Variants in HELZ observed in about 807,000 individuals in gnomAD.
HELZ encodes helicase with zinc finger.
A neutral mutation model predicts 218.2 loss-of-function variants in HELZ; 23 were observed. That is an observed-to-expected ratio of 0.11 (90% CI 0.08 to 0.15). The LOEUF is 0.15. Ranked by LOEUF, HELZ falls within the 10% of genes least tolerant of loss-of-function variation. The probability of loss-of-function intolerance (pLI) is 1.00; values close to 1 mark genes in which losing one functional copy is unlikely to be tolerated. For missense variants in HELZ, 1,813 were observed against 2,353.7 expected (o/e 0.77, Z 4.75); for synonymous variants, 814 against 829.4 (o/e 0.98, Z 0.32).
chr17:67,167,852 C>G (rs903768915), intron 13 of HELZ, 56 bp from the exon 14 acceptor site: 2 of 1,176,312 alleles, frequency 1.7e-6, no homozygotes, highest in Non-Finnish European at 2.4e-6. Flanking sequence ...TATATAAAAA[C>G]TAGAAGAGTG....
At chr17:67,086,766 A>C in intron 32 of HELZ, 63 bp downstream of exon 32, 4 of 1,569,248 alleles carry the variant, frequency 2.5e-6, no homozygotes, top group Non-Finnish European at 2.6e-6. Flanking sequence ...ATAGAAGAAA[A>C]ACTCCACAGA....
chr17:67,109,078 ATC>A lies in HELZ; in HGVS notation c.4489+36_4489+37del, dbSNP rs748850253. ...TATACAGTCCAAGTCATGTTAAGTA[ATC>A]TCTGAATTTTCACATCTGGCAGTAA... On this transcript the variant is annotated intron_variant, in intron 29 of 32. Transcript: ENST00000358691. The A allele has an allele frequency of 3.4e-6, 5 of 1,457,406 alleles. No homozygotes were observed. The South Asian group carries it at 6.4e-5, about 19-fold the overall frequency. The allele number at this position is 1,457,406 out of a possible 1,614,324, so 90.3% of individuals were successfully genotyped here.
rs2037215051 is a variant in HELZ, at chr17:67,109,546, A to G, written c.4059T>C (p.Tyr1353=). The change falls in exon 29 of 33, where the codon TAT becomes TAC. Residue 1353 remains tyrosine (Y), a synonymous_variant. Transcript: ENST00000358691. ...GATGAAAGTGGCGATTAGGGATTGCATACTGTGCGTGGGGAGCAGGAAGGG... is the reference window on the plus strand; with the variant it reads ...GATGAAAGTGGCGATTAGGGATTGCGTACTGTGCGTGGGGAGCAGGAAGGG... ...NLPLPAPHAQ[Y]AIPNRHFHPL... The G allele has an allele frequency of 1.2e-6, 2 of 1,614,180 alleles. No homozygotes were observed. The highest frequency in any genetic ancestry group is 1.7e-6 in the Non-Finnish European group (2 of 1,180,046).
chr17:67,133,629 C>T (rs2038055861), intron 23 of HELZ, among the ~76,000 whole-genome samples: 1 of 152,166 alleles, frequency 6.6e-6, no homozygotes, highest in Admixed American at 6.5e-5. Flanking sequence ...ATCCTCCCAC[C>T]TCAGCCTCCT....
intron 6 of HELZ, 88 bp downstream of exon 6, chr17:67,203,231 A>C: frequency 7.3e-7 from 1 of 1,376,910 alleles, no homozygotes; most frequent in Non-Finnish European, 1.0e-6. Context: ...AAAGAAAAAA[A>C]GATACACTTT....
At chr17:67,110,699 T>C (rs2143764072) in intron 28 of HELZ, among the ~76,000 whole-genome samples, 1 of 152,260 alleles carries the variant, frequency 6.6e-6, no homozygotes, top group South Asian at 2.1e-4. Context: ...TAAATAAGGT[T>C]TTCTTGGAAC....
intron 22 of HELZ, 97 bp from the exon 23 acceptor site, chr17:67,136,295 A>G (rs2038147606): frequency 2.5e-6 from 2 of 808,046 alleles, no homozygotes; most frequent in African/African-American, 3.5e-5. Context: ...ATTGCTAAAT[A>G]ACAAACATTG....
At chr17:67,086,631 A>AATATAAATATAAATATAAATAT (rs914625902) in intron 32 of HELZ, among the ~76,000 whole-genome samples, 198 bp downstream of exon 32, 20 of 93,290 alleles carry the variant, frequency 2.1e-4, no homozygotes, top group African/African-American at 8.7e-4. Flanking sequence ...TATAAATATA[A>AATATAAATATAAATATAAATAT]ATATATATAT....
intron 31 of HELZ, among the ~76,000 whole-genome samples, chr17:67,098,751 A>G (rs997507021): frequency 1.3e-5 from 2 of 152,304 alleles, no homozygotes; most frequent in Middle Eastern, 3.4e-3. Flanking sequence ...CTCAAAAAGT[A>G]AAAATAAAAA....
At chr17:67,244,676 G>A (rs1014328430) in intron 1 of HELZ, 2 of 981,274 alleles carry the variant, frequency 2.0e-6, no homozygotes, top group East Asian at 1.1e-4. Flanking sequence ...CCACGCCCCC[G>A]CTCCAGCCCC....
At chr17:67,211,377 ATTTTT>A (rs2040446205) in intron 5 of HELZ, among the ~76,000 whole-genome samples, 1 of 152,126 alleles carries the variant, frequency 6.6e-6, no homozygotes, top group Admixed American at 6.6e-5. Context: ...TCTTGATCTT[ATTTTT>A]TAGAGAGGCA....
At chr17:67,113,653 A>G (rs1212801421) in intron 28 of HELZ, among the ~76,000 whole-genome samples, 1 of 152,168 alleles carries the variant, frequency 6.6e-6, no homozygotes, top group Middle Eastern at 3.2e-3. Flanking sequence ...TAAGGTTACA[A>G]ATTAACAAGA....
At chr17:67,198,248 T>C (rs1055237355) in intron 7 of HELZ, among the ~76,000 whole-genome samples, 55 of 152,344 alleles carry the variant, frequency 3.6e-4, no homozygotes, top group African/African-American at 1.2e-3. Context: ...AAAACACTTA[T>C]AAATGTTGGA....
In HELZ at chr17:67,109,113, T is replaced by C. The variant is rs2037197492; in HGVS notation, c.4489+3A>G. 6.3e-7 allele frequency: 1 copy of C among 1,594,966 alleles called. No homozygotes were observed. Among genetic ancestry groups the C allele is most frequent in the Non-Finnish European group, 8.5e-7 (1 of 1,169,742 alleles). On this transcript the variant is annotated splice_donor_region_variant and intron_variant, in intron 29 of 32. Coordinates refer to ENST00000358691, the MANE Select transcript of HELZ (RefSeq NM_014877.4). ...TTTCACATCTGGCAGTAATAGAACT[T>C]ACCTAAAGCCTCCCCTATAGGTAAT...
At chr17:67,134,046 C>T (rs963514816) in intron 23 of HELZ, among the ~76,000 whole-genome samples, 2 of 152,158 alleles carry the variant, frequency 1.3e-5, no homozygotes, top group East Asian at 1.9e-4. Context: ...AATTAGTAGA[C>T]TTCTTGATAT....
At chr17:67,150,608 A>G (rs1002868945) in intron 18 of HELZ, among the ~76,000 whole-genome samples, 4 of 152,212 alleles carry the variant, frequency 2.6e-5, no homozygotes, top group African/African-American at 9.7e-5. Flanking sequence ...TCTCTACAGT[A>G]TATAATGCAA....
intron 31 of HELZ, among the ~76,000 whole-genome samples, chr17:67,094,353 G>T (rs1204721704): frequency 2.0e-5 from 3 of 149,474 alleles, no homozygotes; most frequent in Admixed American, 6.7e-5. Flanking sequence ...GAGAGAGAGA[G>T]ATACAGGCAT....
chr17:67,093,980 A>G (rs2036653739), intron 31 of HELZ, among the ~76,000 whole-genome samples: 1 of 152,012 alleles, frequency 6.6e-6, no homozygotes, highest in Non-Finnish European at 1.5e-5. Flanking sequence ...GATACAGACC[A>G]AACTCCCGCA....
chr17:67,099,806 C>T (rs1257985865), intron 31 of HELZ, among the ~76,000 whole-genome samples: 1 of 152,266 alleles, frequency 6.6e-6, no homozygotes, highest in Middle Eastern at 3.4e-3. Context: ...CAAAGCTAAT[C>T]ACCAAGTAAG....
Sources: gnomAD v4.1 joint callset for allele counts (sites outside exome capture counted in the v4.1 genomes callset) on GRCh38, gnomAD v4.1.1 for gene constraint, MANE v1.5 for transcripts, NCBI Gene and HGNC (gene_info 2026-07-23, HGNC 2026-07-21) for gene names.